The following ANK3 variants were observed in gnomAD, a reference collection of about 807,000 sequenced individuals.
ANK3 encodes the protein ankyrin-3.
A neutral mutation model predicts 370.9 loss-of-function variants in ANK3; 57 were observed. The observed-to-expected ratio is 0.15, with a 90% CI of 0.12 to 0.19. The LOEUF (loss-of-function observed/expected upper bound fraction) is 0.19, where lower values mean the gene tolerates loss of function less well. Ranked by LOEUF, ANK3 falls within the 10% of genes least tolerant of loss-of-function variation. ANK3 has a pLI of 1.00. For missense variants in ANK3, 4,439 were observed against 5,302.1 expected (o/e 0.84, Z 5.06); for synonymous variants, 1,929 against 1,946.3 (o/e 0.99, Z 0.23).
chr10:60,522,775 T>C (rs2076378028), intron 2 of ANK3, among the ~76,000 whole-genome samples: 1 of 152,118 alleles, frequency 6.6e-6, no homozygotes, highest in African/African-American at 2.4e-5. Flanking sequence ...ATGATGATTC[T>C]TCTATGAATA....
intron 2 of ANK3, among the ~76,000 whole-genome samples, chr10:60,559,943 A>C (rs1024442949): frequency 6.6e-6 from 1 of 152,012 alleles, no homozygotes; most frequent in Non-Finnish European, 1.5e-5. Flanking sequence ...CTCAGGAGGC[A>C]GAGGCAGGAG....
intron 42 of ANK3, chr10:60,044,219 GA>G (rs1314769660): frequency 1.4e-4 from 137 of 984,280 alleles, no homozygotes; most frequent in Non-Finnish European, 1.6e-4. Context: ...TTTTAATGCA[GA>G]AAATCTAAAT....
At chr10:60,201,149 G>T (rs1349721113) in intron 12 of ANK3, among the ~76,000 whole-genome samples, 1 of 152,230 alleles carries the variant, frequency 6.6e-6, no homozygotes, top group Non-Finnish European at 1.5e-5. Flanking sequence ...GAAACTGGTG[G>T]ATTGTGTTTA....
intron 2 of ANK3, among the ~76,000 whole-genome samples, chr10:60,574,868 A>C (rs992250049): frequency 6.6e-6 from 1 of 152,186 alleles, no homozygotes; most frequent in Non-Finnish European, 1.5e-5. Context: ...TCTATAGTAG[A>C]TTCCAAGCAG....
At chr10:60,656,666 G>A (rs2078868366) in intron 1 of ANK3, among the ~76,000 whole-genome samples, 1 of 152,000 alleles carries the variant, frequency 6.6e-6, no homozygotes, top group South Asian at 2.1e-4. Context: ...AAATTTTTCT[G>A]TAAGCACTGC....
At chr10:60,656,194 G>A (rs1033841397) in intron 1 of ANK3, among the ~76,000 whole-genome samples, 1 of 152,152 alleles carries the variant, frequency 6.6e-6, no homozygotes, top group Non-Finnish European at 1.5e-5. Context: ...ATAAATGTAG[G>A]TCTAGTAAAA....
At chr10:60,213,296 A>C (rs1054277567) in intron 9 of ANK3, 116 bp downstream of exon 9, 3 of 645,636 alleles carry the variant, frequency 4.6e-6, no homozygotes, top group Non-Finnish European at 7.8e-6. Context: ...TCTGGTGAAC[A>C]TAACTACTCT....
At chr10:60,652,708 A>T (rs1466329025) in intron 1 of ANK3, among the ~76,000 whole-genome samples, 1 of 151,678 alleles carries the variant, frequency 6.6e-6, no homozygotes, top group Non-Finnish European at 1.5e-5. Flanking sequence ...AAAAAAAAAA[A>T]AACTAAACTG....
intron 1 of ANK3, among the ~76,000 whole-genome samples, chr10:60,338,948 G>T (rs1411223181): frequency 6.6e-6 from 1 of 151,976 alleles, no homozygotes; most frequent in Non-Finnish European, 1.5e-5. Flanking sequence ...AGCCGTATTT[G>T]GGTCTGGAAG....
intron 12 of ANK3, among the ~76,000 whole-genome samples, chr10:60,201,811 A>C (rs1315282214): frequency 6.6e-6 from 1 of 150,410 alleles, no homozygotes. Flanking sequence ...TCCCAAGTTC[A>C]AGTGATTCTC....
At chr10:60,087,005 A>AC (rs1233114603) in intron 29 of ANK3, 121 bp from the exon 30 acceptor site, 11 of 733,488 alleles carry the variant, frequency 1.5e-5, no homozygotes, top group African/African-American at 7.2e-5. Context: ...AAAAAAAAAA[A>AC]AAAACCCAGG....
rs1160578822 is a variant in ANK3, at chr10:60,070,639, A to G, written c.10242T>C (p.Ser3414=). 6.2e-7 allele frequency: 1 copy of G among 1,614,108 alleles called. No individual in the cohort carries two copies. The highest frequency in any genetic ancestry group is 8.5e-7 in the Non-Finnish European group (1 of 1,180,012). The change falls in exon 37 of 44, where the codon TCT becomes TCC. Residue 3414 remains serine (S), a synonymous_variant. Transcript: ENST00000280772. This position sits in a 1 kb window ranked among gnomAD's most constrained non-coding sequence, Gnocchi z 5.7. ...CATCTTGCAGGTCATAGCCATCCAG[A>G]GAGTCGATCTCTGTGGCATCCGTGT... is the stretch of plus-strand genomic sequence containing the variant. ...SHDTDATEID[S]LDGYDLQDED...
chr10:60,598,197 T>C (rs532149601), intron 2 of ANK3, among the ~76,000 whole-genome samples: 1 of 152,318 alleles, frequency 6.6e-6, no homozygotes, highest in African/African-American at 2.4e-5. Context: ...TGTTATCAAA[T>C]TAAAGTGCAG....
Position 60,657,477 on chromosome 10 carries a change from C to T in ANK3, c.58-42253G>A, listed in dbSNP as rs76056854. 9.2e-3 allele frequency among the ~76,000 whole-genome samples: 1,393 copies of T among 152,152 alleles called. 15 individuals carry two copies. Among genetic ancestry groups the T allele is most frequent in the African/African-American group, 0.031 (1,284 of 41,498 alleles). Reference sequence around the variant, plus strand: ...TTTCCTTTTTGATTTCTTCTTTGACCTATGGTTAATTAGAAGAAAGATATT... The same window carrying T: ...TTTCCTTTTTGATTTCTTCTTTGACTTATGGTTAATTAGAAGAAAGATATT... On this transcript the variant is annotated intron_variant, in intron 1 of 43. Transcript: ENST00000373827.
chr10:60,104,669 A>G (rs188547373), intron 28 of ANK3, among the ~76,000 whole-genome samples: 12 of 152,206 alleles, frequency 7.9e-5, no homozygotes, highest in African/African-American at 2.9e-4. Flanking sequence ...AACAATTACT[A>G]TTCTCCCTCT....
intron 2 of ANK3, among the ~76,000 whole-genome samples, chr10:60,540,731 T>A (rs2076828182): frequency 6.6e-6 from 1 of 151,920 alleles, no homozygotes; most frequent in Admixed American, 6.6e-5. Flanking sequence ...ATCTTGGCAT[T>A]TTGAATGTGG....
chr10:60,173,328 T>C (rs2095844322), intron 18 of ANK3, 142 bp from the exon 19 acceptor site: 1 of 620,682 alleles, frequency 1.6e-6, no homozygotes, highest in Non-Finnish European at 2.7e-6. Flanking sequence ...ATTAAAAAAA[T>C]TGCCCTTGAT....
chr10:60,584,335 G>A (rs1031677121), intron 2 of ANK3, among the ~76,000 whole-genome samples: 1 of 152,170 alleles, frequency 6.6e-6, no homozygotes, highest in Non-Finnish European at 1.5e-5. Context: ...CAATAAGCAC[G>A]AGTCTGGGTG....
intron 1 of ANK3, among the ~76,000 whole-genome samples, chr10:60,287,254 T>G (rs943165103): frequency 6.6e-6 from 1 of 152,194 alleles, no homozygotes; most frequent in African/African-American, 2.4e-5. Context: ...AGTTCAAAGA[T>G]GTACTTCAGA....
Sources: gnomAD v4.1 joint callset for allele counts (sites outside exome capture counted in the v4.1 genomes callset) on GRCh38, gnomAD v4.1.1 for gene constraint, Gnocchi (gnomAD v3.1) non-coding constraint, MANE v1.5 for transcripts, NCBI Gene and HGNC (gene_info 2026-07-23, HGNC 2026-07-21) for gene names.